ZNF90: variants seen among roughly 807,000 people sequenced by gnomAD.
The protein encoded by ZNF90 is zinc finger protein HTF9.
In ZNF90, 11 loss-of-function variants were observed where a neutral mutation model predicts 12.0. That is an observed-to-expected ratio of 0.92 (90% CI 0.58 to 1.52). ZNF90 has a LOEUF of 1.52. Among genes scored for constraint, ZNF90 ranks in the 40% most tolerant of loss-of-function variants. ZNF90 has a pLI of 0.00. For missense variants in ZNF90, 765 were observed against 711.5 expected, an observed-to-expected ratio of 1.08 and a Z score of -0.86; for synonymous variants, 232 against 240.1, an observed-to-expected ratio of 0.97 and a Z score of 0.31.
At chr19:20,111,387 T>C (rs2089087498) in intron 3 of ZNF90, among the ~76,000 whole-genome samples, 1 of 152,138 alleles carries the variant, frequency 6.6e-6, no homozygotes, top group Admixed American at 6.5e-5. Flanking sequence ...CCCTGCTAGC[T>C]TTTCTGTATT....
Position 20,106,574 on chromosome 19 carries a change from T to TTGGC in ZNF90, c.226+1259_226+1260insGGCT, listed in dbSNP as rs2089040704. Among the ~76,000 whole-genome samples the TTGGC allele has an allele frequency of 3.3e-5, 5 of 152,110 alleles. No homozygotes were observed. The South Asian group carries it at 1.0e-3, about 31-fold the overall frequency. ...GTTCACGCCATTCTCCTGCCTCAGCTTCCCGAGTAGCTGGGACTACAGGCA... is the reference window on the plus strand; with the variant it reads ...GTTCACGCCATTCTCCTGCCTCAGCTTGGCTCCCGAGTAGCTGGGACTACAGGCA... On this transcript the variant is annotated intron_variant, in intron 3 of 3. Coordinates refer to ENST00000418063, the MANE Select transcript of ZNF90 (RefSeq NM_007138.2).
At chr19:20,083,422 G>A (rs542168660) in intron 1 of ZNF90, among the ~76,000 whole-genome samples, 20 of 152,030 alleles carry the variant, frequency 1.3e-4, no homozygotes, top group African/African-American at 3.9e-4. Flanking sequence ...TTGACTCCTG[G>A]GTTCTAGCGA....
intron 3 of ZNF90, among the ~76,000 whole-genome samples, chr19:20,107,513 A>G (rs1464160398): frequency 1.3e-5 from 2 of 152,188 alleles, no homozygotes; most frequent in Non-Finnish European, 2.9e-5. Context: ...ATCTTGCTGC[A>G]TAATGCATGC....
intron 3 of ZNF90, among the ~76,000 whole-genome samples, chr19:20,108,281 G>T (rs2089056707): frequency 6.6e-6 from 1 of 152,108 alleles, no homozygotes; most frequent in Non-Finnish European, 1.5e-5. Flanking sequence ...CATAGTGATG[G>T]TTAAATATTG....
chr19:20,110,349 G>T (rs2089076828), intron 3 of ZNF90, among the ~76,000 whole-genome samples: 1 of 151,956 alleles, frequency 6.6e-6, no homozygotes, highest in Non-Finnish European at 1.5e-5. Flanking sequence ...TGTGATCTTG[G>T]CTCACTGCAA....
At chr19:20,086,299 A>G (rs1261680171) in intron 1 of ZNF90, among the ~76,000 whole-genome samples, 1 of 141,674 alleles carries the variant, frequency 7.1e-6, no homozygotes, top group Non-Finnish European at 1.5e-5. Flanking sequence ...CAGTGGCGTA[A>G]TTTCAGCTCA....
intron 1 of ZNF90, among the ~76,000 whole-genome samples, chr19:20,081,302 C>G (rs2088817914): frequency 2.6e-5 from 4 of 152,108 alleles, no homozygotes; most frequent in African/African-American, 4.8e-5. Context: ...GATTCTTCTG[C>G]CTCAGCCTCC....
intron 1 of ZNF90, among the ~76,000 whole-genome samples, chr19:20,101,564 ATC>A (rs1388056860): frequency 6.6e-6 from 1 of 152,144 alleles, no homozygotes; most frequent in Non-Finnish European, 1.5e-5. Flanking sequence ...TTGTTTTTGA[ATC>A]TCTAATTGTT....
chr19:20,106,524 G>A (rs887280067), intron 3 of ZNF90, among the ~76,000 whole-genome samples: 1 of 152,100 alleles, frequency 6.6e-6, no homozygotes, highest in African/African-American at 2.4e-5. Context: ...GCGCGATTTC[G>A]CTCATTGCAA....
intron 1 of ZNF90, among the ~76,000 whole-genome samples, chr19:20,093,044 G>A (rs1211889384): frequency 6.6e-6 from 1 of 152,220 alleles, no homozygotes; most frequent in African/African-American, 2.4e-5. Flanking sequence ...GTCAGTCCAG[G>A]TGAAAGCAAA....
intron 3 of ZNF90, among the ~76,000 whole-genome samples, chr19:20,114,204 T>C (rs145638703): frequency 6.6e-6 from 1 of 152,186 alleles, no homozygotes; most frequent in African/African-American, 2.4e-5. Context: ...GACAGGGGAA[T>C]TGGTTAAACC....
chr19:20,080,732 G>T (rs986720677), intron 1 of ZNF90, among the ~76,000 whole-genome samples: 5 of 152,174 alleles, frequency 3.3e-5, no homozygotes, highest in African/African-American at 7.2e-5. Flanking sequence ...GCATAGATGG[G>T]CCATGGGGTT....
chr19:20,098,762 G>A (rs1477166283), intron 1 of ZNF90, among the ~76,000 whole-genome samples: 2 of 152,236 alleles, frequency 1.3e-5, no homozygotes, highest in Non-Finnish European at 2.9e-5. Context: ...GCAGAATTGT[G>A]TCAGGCTGAC....
intron 1 of ZNF90, among the ~76,000 whole-genome samples, chr19:20,094,456 A>T (rs782318958): frequency 2.0e-5 from 3 of 152,212 alleles, no homozygotes; most frequent in Admixed American, 1.3e-4. Context: ...CTGGGTTTTC[A>T]TCTTCACCTT....
At chr19:20,093,826 A>G (rs1330353048) in intron 1 of ZNF90, among the ~76,000 whole-genome samples, 3 of 152,166 alleles carry the variant, frequency 2.0e-5, no homozygotes, top group African/African-American at 7.2e-5. Flanking sequence ...GAGTTACCCA[A>G]AGCTCGGCGT....
At chr19:20,113,752 C>T (rs2089112066) in intron 3 of ZNF90, among the ~76,000 whole-genome samples, 1 of 151,902 alleles carries the variant, frequency 6.6e-6, no homozygotes, top group Admixed American at 6.6e-5. Flanking sequence ...GGAGTGAACC[C>T]GGGAGGCAGA....
chr19:20,116,015 G>A (rs2089133969), intron 3 of ZNF90, among the ~76,000 whole-genome samples: 2 of 151,992 alleles, frequency 1.3e-5, no homozygotes, highest in Non-Finnish European at 2.9e-5. Context: ...CTGGGTACAG[G>A]TGCTTTCCAC....
In ZNF90 at chr19:20,119,473, G is replaced by GT; in HGVS notation, c.*113_*114insT. 1.2e-6 allele frequency: 1 copy of GT among 869,278 alleles called. No homozygotes were observed. The highest frequency in any genetic ancestry group is 2.7e-5 in the East Asian group (1 of 37,530). The allele number at this position is 869,278 out of a possible 1,614,324, so 53.8% of individuals were successfully genotyped here. A position where few individuals can be genotyped will look rare whatever the true frequency, so the allele number is the denominator to read the frequency against. On this transcript the variant is annotated 3_prime_UTR_variant, in exon 4 of 4. Coordinates refer to ENST00000418063, the MANE Select transcript of ZNF90 (RefSeq NM_007138.2). ...ACCCCTCTACTCTTACTAAATATGAGAATTTATATGAAACATAACTCCTAC... is the reference window on the plus strand; with the variant it reads ...ACCCCTCTACTCTTACTAAATATGAGTAATTTATATGAAACATAACTCCTAC...
intron 1 of ZNF90, among the ~76,000 whole-genome samples, chr19:20,092,255 C>A (rs2088908577): frequency 6.6e-6 from 1 of 152,140 alleles, no homozygotes; most frequent in Admixed American, 6.5e-5. Flanking sequence ...ATTATGAGAG[C>A]TGTAGAGAGT....
Sources: allele counts gnomAD v4.1 joint callset (sites outside exome capture counted in the v4.1 genomes callset), GRCh38; gene constraint gnomAD v4.1.1; transcripts MANE v1.5; gene names NCBI Gene and HGNC (gene_info 2026-07-23, HGNC 2026-07-21).